EYS: variants seen among roughly 807,000 people sequenced by gnomAD.
The protein encoded by EYS is EGF-like photoreceptor maintenance factor.
A neutral mutation model predicts 282.1 loss-of-function variants in EYS; 250 were observed. That is an observed-to-expected ratio of 0.89 (90% CI 0.80 to 0.98). The LOEUF is 0.98. Ranked by LOEUF, EYS falls within the 50% of genes least tolerant of loss-of-function variation. The pLI is 0.00. For synonymous variants in EYS, 1,355 were observed against 1,282.9 expected (o/e 1.06, Z -1.20); for missense variants, 4,016 against 3,709.0 (o/e 1.08, Z -2.15).
At chr6:64,817,842 C>T (rs1764784151) in intron 21 of EYS, among the ~76,000 whole-genome samples, 1 of 152,130 alleles carries the variant, frequency 6.6e-6, no homozygotes, top group Non-Finnish European at 1.5e-5. Context: ...TTTATCCAAT[C>T]CACCACTGAT....
Position 65,656,402 on chromosome 6 carries a change from C to T in EYS, c.-447-16510G>A, listed in dbSNP as rs78018320. ...AGTTAACCAAGTTATGAATGCAAAG[C>T]GGAAGTTCGTGAGGGAAAGTGCTAT... On this transcript the variant is annotated intron_variant, in intron 1 of 42. Transcript: ENST00000503581. 7.6e-3 allele frequency among the ~76,000 whole-genome samples: 1,159 copies of T among 151,876 alleles called. 18 individuals are homozygous for T. The highest frequency in any genetic ancestry group is 0.027 in the African/African-American group (1,100 of 41,482).
intron 12 of EYS, among the ~76,000 whole-genome samples, chr6:65,195,286 A>G (rs1393572806): frequency 6.6e-6 from 1 of 152,042 alleles, no homozygotes; most frequent in African/African-American, 2.4e-5. Flanking sequence ...TCAACTTGTA[A>G]GTTATTCTTC....
chr6:64,838,894 A>C (rs1358774478), intron 19 of EYS, among the ~76,000 whole-genome samples: 1 of 151,998 alleles, frequency 6.6e-6, no homozygotes, highest in Non-Finnish European at 1.5e-5. Context: ...TTTAAATATG[A>C]GCCCTAAGCA....
intron 30 of EYS, among the ~76,000 whole-genome samples, chr6:64,268,626 T>TG (rs1767841850): frequency 6.6e-6 from 1 of 152,112 alleles, no homozygotes; most frequent in African/African-American, 2.4e-5. Flanking sequence ...ATGAATATGC[T>TG]GGAAGTATAT....
chr6:64,411,083 CA>C (rs1484180439), intron 28 of EYS, among the ~76,000 whole-genome samples: 1 of 152,016 alleles, frequency 6.6e-6, no homozygotes, highest in Non-Finnish European at 1.5e-5. Context: ...TGGGGATAAT[CA>C]GGAGAGAAAC....
intron 5 of EYS, among the ~76,000 whole-genome samples, chr6:65,409,733 T>C (rs1766902070): frequency 6.6e-6 from 1 of 152,148 alleles, no homozygotes; most frequent in Admixed American, 6.6e-5. Context: ...TTTATTACTA[T>C]GTGAAGAGGA....
At chr6:64,453,080 G>C (rs1235258970) in intron 26 of EYS, among the ~76,000 whole-genome samples, 1 of 152,110 alleles carries the variant, frequency 6.6e-6, no homozygotes, top group African/African-American at 2.4e-5. Flanking sequence ...GCAACCTACA[G>C]AATGGGAGAA....
intron 12 of EYS, among the ~76,000 whole-genome samples, chr6:65,077,536 G>A (rs186527716): frequency 9.1e-4 from 138 of 152,076 alleles, no homozygotes; most frequent in African/African-American, 2.9e-3. Flanking sequence ...TATATAAAAC[G>A]AACATTTTCT....
rs563056599 is a variant in EYS at position 64,427,272 on chromosome 6, T to A, written c.5927+8902A>T. ...ATTTTTATTGACATGCAGTGATCAA[T>A]GAGGCTTTAACAATTAAAGCAACAT... On this transcript the variant is annotated intron_variant, in intron 28 of 42. Transcript: ENST00000503581. Among the ~76,000 whole-genome samples the A allele has an allele frequency of 3.9e-5, 6 of 152,284 alleles. No individual in the cohort carries two copies. The East Asian group carries it at 1.2e-3, about 29-fold the overall frequency.
At chr6:64,403,352 A>T (rs1432394999) in intron 28 of EYS, among the ~76,000 whole-genome samples, 3 of 152,114 alleles carry the variant, frequency 2.0e-5, no homozygotes, top group Non-Finnish European at 4.4e-5. Context: ...AGGATAAAAA[A>T]AACAAAGTAA....
At position 65,495,582 on chromosome 6, in the gene EYS, C is replaced by A; in HGVS notation, c.-172G>T. On this transcript the variant is annotated 5_prime_UTR_variant, in exon 4 of 43. Transcript: ENST00000503581. ...ATGACAATGTGCTTTGATGGAGAAA[C>A]AGGAATTCAAATGTTGTAAATATTC... 1 of 641,050 alleles carries A rather than the reference C, an allele frequency of 1.6e-6. No individual in the cohort carries two copies. The allele number at this position is 641,050 out of a possible 1,614,324, so 39.7% of individuals were successfully genotyped here. A position where few individuals can be genotyped will look rare whatever the true frequency, so the allele number is the denominator to read the frequency against.
intron 31 of EYS, among the ~76,000 whole-genome samples, chr6:64,190,537 T>C (rs540466316): frequency 1.3e-5 from 2 of 152,302 alleles, no homozygotes; most frequent in South Asian, 4.1e-4. Flanking sequence ...AAGCATATTT[T>C]CAGGTTTCAA....
At chr6:64,391,134 C>G (rs1001482057) in intron 28 of EYS, among the ~76,000 whole-genome samples, 16 of 151,972 alleles carry the variant, frequency 1.1e-4, no homozygotes, top group African/African-American at 3.9e-4. Flanking sequence ...GTGAAAAGAC[C>G]AAATCTACGA....
chr6:64,687,071 T>TTA (rs1770175987), intron 22 of EYS, among the ~76,000 whole-genome samples: 1 of 151,102 alleles, frequency 6.6e-6, no homozygotes, highest in Non-Finnish European at 1.5e-5. Flanking sequence ...AGTCCTCATA[T>TTA]GTATTAAAGA....
chr6:64,836,437 C>T (rs1232972603), intron 19 of EYS, among the ~76,000 whole-genome samples: 1 of 151,366 alleles, frequency 6.6e-6, no homozygotes, highest in Non-Finnish European at 1.5e-5. Flanking sequence ...TGCATACACA[C>T]ACATATATTT....
At chr6:65,294,890 C>CT (rs1192365350) in intron 12 of EYS, among the ~76,000 whole-genome samples, 1 of 151,824 alleles carries the variant, frequency 6.6e-6, no homozygotes, top group Non-Finnish European at 1.5e-5. Flanking sequence ...ATATGACCAA[C>CT]TTTTTAGCAA....
At chr6:65,026,645 T>C (rs887329731) in intron 13 of EYS, among the ~76,000 whole-genome samples, 1 of 152,110 alleles carries the variant, frequency 6.6e-6, no homozygotes, top group Non-Finnish European at 1.5e-5. Context: ...TGGCCGGGCA[T>C]GGTGGCTCTC....
At chr6:64,597,481 A>G (rs1038087150) in intron 24 of EYS, among the ~76,000 whole-genome samples, 2 of 152,196 alleles carry the variant, frequency 1.3e-5, no homozygotes, top group African/African-American at 2.4e-5. Flanking sequence ...TGAAGGCTGG[A>G]TCAAGAAAAT....
intron 22 of EYS, among the ~76,000 whole-genome samples, chr6:64,635,167 G>T (rs1212741774): frequency 2.0e-5 from 3 of 152,126 alleles, no homozygotes; most frequent in East Asian, 1.9e-4. Flanking sequence ...TTTTGCACAT[G>T]GATGTTGTAT....
Sources: allele counts gnomAD v4.1 joint callset (sites outside exome capture counted in the v4.1 genomes callset), GRCh38; gene constraint gnomAD v4.1.1; transcripts MANE v1.5; gene names NCBI Gene and HGNC (gene_info 2026-07-23, HGNC 2026-07-21).